MEIS2: variants seen among roughly 807,000 people sequenced by gnomAD.
MEIS2 encodes the protein homeobox protein Meis2.
In MEIS2, 9 loss-of-function variants were observed where a neutral mutation model predicts 58.6. The observed-to-expected ratio is 0.15, with a 90% CI of 0.09 to 0.27. MEIS2 has a LOEUF of 0.27. Among genes scored for constraint, MEIS2 ranks in the 10% least tolerant of loss-of-function variants. The probability of loss-of-function intolerance (pLI) is 1.00; values close to 1 mark genes in which losing one functional copy is unlikely to be tolerated. For synonymous variants in MEIS2, 221 were observed against 228.4 expected, an observed-to-expected ratio of 0.97 and a Z score of 0.29; for missense variants, 427 against 635.0, an observed-to-expected ratio of 0.67 and a Z score of 3.52.
intron 9 of MEIS2, among the ~76,000 whole-genome samples, chr15:36,936,197 CT>C (rs397953201): frequency 4.2e-3 from 590 of 138,942 alleles, no homozygotes; most frequent in Middle Eastern, 7.6e-3. Context: ...CATTTTCTTT[CT>C]TTTTTTTTTT....
intron 8 of MEIS2, among the ~76,000 whole-genome samples, chr15:36,981,476 A>G (rs2141509137): frequency 6.6e-6 from 1 of 152,162 alleles, no homozygotes; most frequent in South Asian, 2.1e-4. Flanking sequence ...AAGCTGAGAA[A>G]CTGTAGCTCC....
At chr15:37,024,855 G>C (rs145438932) in intron 8 of MEIS2, among the ~76,000 whole-genome samples, 1 of 152,246 alleles carries the variant, frequency 6.6e-6, no homozygotes, top group Non-Finnish European at 1.5e-5. Flanking sequence ...AAGAGTTTAG[G>C]AACAAAGAAC....
At position 36,996,036 on chromosome 15, in the gene MEIS2, C is replaced by T. The variant is rs1283871337; in HGVS notation, c.900+40778G>A. On this transcript the variant is annotated intron_variant, in intron 8 of 11. Coordinates refer to ENST00000561208, the MANE Select transcript of MEIS2 (RefSeq NM_170675.5). ...ATATACATATGTGTATATATATACA[C>T]ACACACACACATATATATATACACA... 7.9e-4 allele frequency among the ~76,000 whole-genome samples: 80 copies of T among 100,898 alleles called. 1 individual carries two copies. The highest frequency in any genetic ancestry group is 5.2e-3 in the Middle Eastern group (1 of 192). 66.2% of individuals were successfully genotyped at this position (100,898 alleles called of 152,430 possible).
At chr15:36,978,546 T>C (rs2059831266) in intron 8 of MEIS2, among the ~76,000 whole-genome samples, 1 of 152,138 alleles carries the variant, frequency 6.6e-6, no homozygotes, top group African/African-American at 2.4e-5. Context: ...ATTACCCAAA[T>C]AATGAAGGTT....
intron 8 of MEIS2, among the ~76,000 whole-genome samples, chr15:36,970,264 C>T (rs1286617279): frequency 4.0e-5 from 6 of 151,868 alleles, no homozygotes; most frequent in South Asian, 2.1e-4. Flanking sequence ...ATTAGCCAGG[C>T]GTGGTGGCGG....
At chr15:36,906,564 G>A (rs943914164) in intron 9 of MEIS2, among the ~76,000 whole-genome samples, 1 of 150,804 alleles carries the variant, frequency 6.6e-6, no homozygotes, top group Admixed American at 6.6e-5. Context: ...ATTTGTTGTG[G>A]TGGGAAGAGG....
At chr15:36,900,875 C>T (rs1230881737) in intron 9 of MEIS2, 3 of 152,190 alleles carry the variant, frequency 2.0e-5, no homozygotes, top group Admixed American at 2.0e-4. Flanking sequence ...TTCTCCACCC[C>T]CCAATCTTTT....
chr15:37,092,798 A>C (rs1893703615), intron 6 of MEIS2, among the ~76,000 whole-genome samples: 1 of 142,054 alleles, frequency 7.0e-6, no homozygotes, highest in Non-Finnish European at 1.5e-5. Context: ...AACAGAGAGA[A>C]TAGAAAGAAA....
At chr15:36,976,363 C>T (rs113753536) in intron 8 of MEIS2, among the ~76,000 whole-genome samples, 10 of 151,988 alleles carry the variant, frequency 6.6e-5, no homozygotes, top group East Asian at 1.9e-4. Flanking sequence ...GGATTACAGG[C>T]GTGAGCCACC....
chr15:37,086,036 A>G (rs1472183501), intron 6 of MEIS2, among the ~76,000 whole-genome samples: 4 of 152,202 alleles, frequency 2.6e-5, no homozygotes, highest in African/African-American at 7.2e-5. Context: ...AGAAAATGCA[A>G]TAGCTGCAAC....
rs995374798 is a variant in MEIS2, at chr15:37,100,189, A to C, written c.-723T>G. ...GAAAAATCAAGAAAAAAAAATGAAT[A>C]GTTTGCAAAAATTGGACTTCCTCCC... On this transcript the variant is annotated 5_prime_UTR_variant, in exon 1 of 12. Transcript: ENST00000561208. 7.3e-5 allele frequency: 11 copies of C among 150,030 alleles called. No homozygotes were observed. Among genetic ancestry groups the C allele is most frequent in the African/African-American group, 2.7e-4 (11 of 40,560 alleles). The allele number at this position is 150,030 out of a possible 1,614,324, so 9.3% of individuals were successfully genotyped here. A position where few individuals can be genotyped will look rare whatever the true frequency, so the allele number is the denominator to read the frequency against.
chr15:37,092,306 T>C (rs1433707191), intron 6 of MEIS2, among the ~76,000 whole-genome samples: 1 of 152,156 alleles, frequency 6.6e-6, no homozygotes, highest in East Asian at 1.9e-4. Context: ...TGACTGCATA[T>C]TTTCAAAACT....
At position 37,099,905 on chromosome 15, in the gene MEIS2, C is replaced by G. The variant is rs932266577; in HGVS notation, c.-439G>C. The G allele has an allele frequency of 6.1e-6, 1 of 164,996 alleles. No individual in the cohort carries two copies. Among genetic ancestry groups the G allele is most frequent in the Non-Finnish European group, 1.3e-5 (1 of 76,462 alleles). The allele number at this position is 164,996 out of a possible 1,614,324, so 10.2% of individuals were successfully genotyped here. A position where few individuals can be genotyped will look rare whatever the true frequency, so the allele number is the denominator to read the frequency against. On this transcript the variant is annotated 5_prime_UTR_variant, in exon 1 of 12. Transcript: ENST00000561208. ...GGCCCGTCAGCAGCCCACATGTAACCGAACTGTCGTGTTTCATGGCTTTTT... is the reference window on the plus strand; with the variant it reads ...GGCCCGTCAGCAGCCCACATGTAACGGAACTGTCGTGTTTCATGGCTTTTT...
chr15:37,091,985 A>C lies in MEIS2; in HGVS notation c.639+1596T>G, dbSNP rs538751823. On this transcript the variant is annotated intron_variant, in intron 6 of 11. Coordinates refer to ENST00000561208, the MANE Select transcript of MEIS2 (RefSeq NM_170675.5). ...CAACAAATGTAAATATTTCTTAGGT[A>C]GTGTCATGCCTCATGGACCACAACA... Among the ~76,000 whole-genome samples, 3 of 152,348 alleles carry C rather than the reference A, an allele frequency of 2.0e-5. No homozygotes were observed. In the South Asian group the frequency reaches 6.2e-4, roughly 32 times the overall value.
At chr15:36,920,602 C>T (rs1458730079) in intron 9 of MEIS2, among the ~76,000 whole-genome samples, 1 of 152,190 alleles carries the variant, frequency 6.6e-6, no homozygotes, top group Non-Finnish European at 1.5e-5. Context: ...GGGATGATGA[C>T]TTACGGATCA....
At chr15:37,067,507 T>C (rs1596059876) in intron 7 of MEIS2, among the ~76,000 whole-genome samples, 1 of 151,914 alleles carries the variant, frequency 6.6e-6, no homozygotes, top group East Asian at 1.9e-4. Flanking sequence ...TCCAACTGAA[T>C]TGGGGCTAAC....
chr15:37,056,745 T>G (rs1351112863), intron 7 of MEIS2, among the ~76,000 whole-genome samples: 2 of 152,152 alleles, frequency 1.3e-5, no homozygotes, highest in Non-Finnish European at 2.9e-5. Context: ...AAATTATAGA[T>G]GAAACATTTC....
At chr15:36,896,825 T>A in intron 9 of MEIS2, 139 bp from the exon 10 acceptor site, 1 of 730,978 alleles carries the variant, frequency 1.4e-6, no homozygotes, top group South Asian at 1.9e-5. Context: ...TGATTTTCCC[T>A]TTCAGCGTTC....
At position 37,099,563 on chromosome 15, in the gene MEIS2, T is replaced by G. The variant is rs1175053005; in HGVS notation, c.-97A>C. The G allele has an allele frequency of 6.7e-7, 1 of 1,502,982 alleles. No homozygotes were observed. Among genetic ancestry groups the G allele is most frequent in the African/African-American group, 1.4e-5 (1 of 71,562 alleles). The allele number at this position is 1,502,982 out of a possible 1,614,324, so 93.1% of individuals were successfully genotyped here. ...AGGCTGAAGATTCCTTTTTTTTTTT[T>G]CCAAACCAAAGAGACTTCTCCCAAT... On this transcript the variant is annotated 5_prime_UTR_variant, in exon 1 of 12. Transcript: ENST00000561208.
Sources: gnomAD v4.1 joint callset for allele counts (sites outside exome capture counted in the v4.1 genomes callset) on GRCh38, gnomAD v4.1.1 for gene constraint, MANE v1.5 for transcripts, NCBI Gene and HGNC (gene_info 2026-07-23, HGNC 2026-07-21) for gene names.